OTOGL: variants seen among roughly 807,000 people sequenced by gnomAD.
The protein encoded by OTOGL is otogelin-like protein.
In OTOGL, 285 loss-of-function variants were observed where a neutral mutation model predicts 318.5. The ratio of observed to expected loss-of-function variants is 0.89; its 90% CI spans 0.81 to 0.99. The LOEUF is 0.99. OTOGL is among the 50% of genes least tolerant of loss of function. OTOGL has a pLI of 0.00. For synonymous variants in OTOGL, 987 were observed against 936.5 expected, an observed-to-expected ratio of 1.05 and a Z score of -0.99; for missense variants, 2,899 against 2,845.6, an observed-to-expected ratio of 1.02 and a Z score of -0.43.
In OTOGL at chr12:80,233,313, G is replaced by A. The variant is rs1439067800; in HGVS notation, c.817+216G>A. Among the ~76,000 whole-genome samples the A allele has an allele frequency of 2.6e-5, 4 of 152,216 alleles. 1 individual carries two copies. The East Asian group carries it at 5.8e-4, about 22-fold the overall frequency. Reference sequence around the variant, plus strand: ...TTTACCTTTGCTAAATTAGCATGAAGCACTTACTCACATAACACATTTTAA... The same window carrying A: ...TTTACCTTTGCTAAATTAGCATGAAACACTTACTCACATAACACATTTTAA... On this transcript the variant is annotated intron_variant, in intron 9 of 58. Coordinates refer to ENST00000547103, the MANE Select transcript of OTOGL (RefSeq NM_001378609.3).
intron 1 of OTOGL, among the ~76,000 whole-genome samples, chr12:80,126,975 T>C (rs1268504723): frequency 1.3e-5 from 2 of 152,228 alleles, no homozygotes; most frequent in Non-Finnish European, 2.9e-5. Flanking sequence ...AGCACACTGA[T>C]GGGTCTTGAC....
intron 57 of OTOGL, among the ~76,000 whole-genome samples, chr12:80,373,140 G>C (rs781518944): frequency 2.6e-5 from 4 of 152,060 alleles, no homozygotes; most frequent in Non-Finnish European, 4.4e-5. Flanking sequence ...TTTTAGGAAA[G>C]GGGCACAACA....
At position 80,367,344 on chromosome 12, in the gene OTOGL, G is replaced by A. The variant is rs532745772; in HGVS notation, c.6332-217G>A. ...GAAGTTCAATCATTAAACAGCAGTT[G>A]ATTTTATAGATGAATTTTTATTTTA... On this transcript the variant is annotated intron_variant, in intron 53 of 58. Coordinates refer to ENST00000547103, the MANE Select transcript of OTOGL (RefSeq NM_001378609.3). 3.3e-5 allele frequency among the ~76,000 whole-genome samples: 5 copies of A among 151,970 alleles called. No homozygotes were observed. In the East Asian group the frequency reaches 9.7e-4, roughly 29 times the overall value.
Position 80,250,556 on chromosome 12 carries a change from T to C in OTOGL, c.1053-1137T>C, listed in dbSNP as rs541517279. Among the ~76,000 whole-genome samples the C allele has an allele frequency of 7.9e-5, 12 of 152,342 alleles. No individual in the cohort carries two copies. In the South Asian group the frequency reaches 2.5e-3, roughly 32 times the overall value. The stretch of plus-strand genomic sequence containing the variant: ...TTTAGCAATTTTAGCCTAAACTGTT[T>C]TGAAAAGACTTTTCTTATTTGTAGG... On this transcript the variant is annotated intron_variant, in intron 11 of 58. Coordinates refer to ENST00000547103, the MANE Select transcript of OTOGL (RefSeq NM_001378609.3).
intron 1 of OTOGL, among the ~76,000 whole-genome samples, chr12:80,164,377 GTCT>G (rs1873707047): frequency 6.6e-6 from 1 of 152,092 alleles, no homozygotes; most frequent in South Asian, 2.1e-4. Context: ...TTGTCCTCTA[GTCT>G]TCTTTGGTGG....
chr12:80,279,761 G>A (rs187217144), intron 26 of OTOGL, among the ~76,000 whole-genome samples: 183 of 151,840 alleles, frequency 1.2e-3, no homozygotes, highest in South Asian at 2.7e-3. Flanking sequence ...ATGCATACAT[G>A]TGTCTTTACG....
At chr12:80,363,019 C>G (rs970779210) in intron 52 of OTOGL, among the ~76,000 whole-genome samples, 2 of 152,060 alleles carry the variant, frequency 1.3e-5, no homozygotes, top group African/African-American at 4.8e-5. Context: ...AATGCAGTGG[C>G]ACAATCATAG....
intron 27 of OTOGL, among the ~76,000 whole-genome samples, chr12:80,297,482 G>C (rs1030393459): frequency 6.6e-6 from 1 of 151,804 alleles, no homozygotes; most frequent in Non-Finnish European, 1.5e-5. Context: ...ACATATGCAC[G>C]CCACCACGCC....
At chr12:80,171,982 A>G (rs1874232090) in intron 1 of OTOGL, among the ~76,000 whole-genome samples, 1 of 152,156 alleles carries the variant, frequency 6.6e-6, no homozygotes, top group Non-Finnish European at 1.5e-5. Context: ...CTTTTCCAAG[A>G]TAGACATATA....
At chr12:80,129,470 C>T (rs117839894) in intron 1 of OTOGL, among the ~76,000 whole-genome samples, 2,227 of 152,288 alleles carry the variant, frequency 0.015, 28 homozygotes, top group Admixed American at 0.025. Context: ...TTGTCCCAGT[C>T]TCTTTTACAA....
Position 80,278,178 on chromosome 12 carries a change from C to T in OTOGL, c.2692C>T (p.His898Tyr), listed in dbSNP as rs1883948843. 4 of 1,545,378 alleles carry T rather than the reference C, an allele frequency of 2.6e-6. No individual in the cohort carries two copies. Among genetic ancestry groups the T allele is most frequent in the Non-Finnish European group, 3.5e-6 (4 of 1,143,182 alleles). Residue 898 changes from histidine (H) to tyrosine (Y), a missense_variant, in exon 25 of 59, where the codon CAC (histidine) becomes TAC (tyrosine). His to Tyr is a moderately conservative substitution (Grantham distance 83). Coordinates refer to ENST00000547103, the MANE Select transcript of OTOGL (RefSeq NM_001378609.3). ...GCVCAPGMAEHRGKCYVPESC... is the reference protein window; with the variant it reads ...GCVCAPGMAEYRGKCYVPESC... ...TTCTTCATTTGGAAGAATGGCAGAGCACAGAGGAAAGTGTTATGTTCCTGA... is the reference window on the plus strand; with the variant it reads ...TTCTTCATTTGGAAGAATGGCAGAGTACAGAGGAAAGTGTTATGTTCCTGA...
intron 44 of OTOGL, chr12:80,343,509 G>GTTTTTTTTTTTTTTT (rs58046272): frequency 2.8e-5 from 1 of 35,868 alleles, no homozygotes; most frequent in African/African-American, 1.1e-4. Context: ...TTTTATTCTT[G>GTTTTTTTTTTTTTTT]TTTTTTTTTT....
chr12:80,198,428 A>G (rs1042569461), intron 1 of OTOGL, among the ~76,000 whole-genome samples: 2 of 152,076 alleles, frequency 1.3e-5, no homozygotes. Context: ...CTAATAAAAT[A>G]CAAAAATTAG....
chr12:80,145,648 C>A (rs532500804), intron 1 of OTOGL, among the ~76,000 whole-genome samples: 1 of 152,048 alleles, frequency 6.6e-6, no homozygotes, highest in African/African-American at 2.4e-5. Context: ...TTACCTTGGG[C>A]AGTATGGCCA....
intron 14 of OTOGL, 136 bp from the exon 15 acceptor site, chr12:80,254,388 T>TGGG: frequency 2.2e-6 from 1 of 448,000 alleles, no homozygotes; most frequent in Non-Finnish European, 3.9e-6. Flanking sequence ...TTTTATTTTT[T>TGGG]GCAGAGATTT....
At position 80,372,035 on chromosome 12, in the gene OTOGL, A is replaced by G; in HGVS notation, c.6752A>G (p.Lys2251Arg). The G allele has an allele frequency of 6.4e-7, 1 of 1,555,560 alleles. No individual in the cohort carries two copies. The highest frequency in any genetic ancestry group is 8.7e-7 in the Non-Finnish European group (1 of 1,148,700). ...TECKMNEGIV[K>R]LYNEGCCKIC... ...TCTTTCTAGAATGAAGGGATTGTGA[A>G]GCTTTATAATGAAGGCTGTTGCAAG... Residue 2251 changes from lysine to arginine, a missense_variant, in exon 57 of 59, where the codon AAG (lysine) becomes AGG (arginine). Around this residue, in one of 3 missense-constraint regions of OTOGL, gnomAD observed 289 missense variants for 304.6 expected, o/e 0.95. Transcript: ENST00000547103.
chr12:80,159,119 T>C (rs1873322763), intron 1 of OTOGL, among the ~76,000 whole-genome samples: 1 of 151,906 alleles, frequency 6.6e-6, no homozygotes, highest in East Asian at 1.9e-4. Flanking sequence ...ATTCTGTTTA[T>C]GTGCTGTATC....
intron 18 of OTOGL, among the ~76,000 whole-genome samples, chr12:80,258,352 CAT>C (rs1247877369): frequency 6.6e-6 from 1 of 151,976 alleles, no homozygotes; most frequent in African/African-American, 2.4e-5. Context: ...ATTTTTGAAA[CAT>C]AGCTGCCTAA....
At chr12:80,325,824 A>G (rs1262858969) in intron 35 of OTOGL, among the ~76,000 whole-genome samples, 2 of 152,098 alleles carry the variant, frequency 1.3e-5, no homozygotes, top group Non-Finnish European at 2.9e-5. Context: ...GGCACTGGGG[A>G]GGACATTGAG....
Sources: allele counts gnomAD v4.1 joint callset (sites outside exome capture counted in the v4.1 genomes callset), GRCh38; gene constraint gnomAD v4.1.1; regional missense constraint gnomAD v4.1.1; transcripts MANE v1.5; gene names NCBI Gene and HGNC (gene_info 2026-07-23, HGNC 2026-07-21).